Variants in EXD1 observed in about 807,000 individuals in gnomAD.
The protein encoded by EXD1 is exonuclease 3'-5' domain containing 1.
Under a neutral mutation model 49.1 loss-of-function variants are expected in EXD1, and 63 were observed. The ratio of observed to expected loss-of-function variants is 1.28; its 90% CI spans 1.05 to 1.58. EXD1 has a LOEUF of 1.58. Ranked by LOEUF, EXD1 falls within the 40% of genes most tolerant of loss-of-function variation. The pLI, the probability that EXD1 is intolerant of heterozygous loss-of-function variation, is 0.00. For synonymous variants in EXD1, 234 were observed against 239.2 expected (o/e 0.98, Z 0.20); for missense variants, 748 against 666.0 (o/e 1.12, Z -1.36).
rs758515599 is a variant in EXD1, at chr15:41,191,629, A to C, written c.721-44T>G. 3.2e-6 allele frequency: 5 copies of C among 1,570,986 alleles called. No individual in the cohort carries two copies. The Admixed American group carries it at 8.8e-5, about 28-fold the overall frequency. On this transcript the variant is annotated intron_variant, in intron 9 of 11. Coordinates refer to ENST00000458580, the MANE Select transcript of EXD1 (RefSeq NM_001286441.2). ...ACAAACAGACCAGTTGAATATATACAGAGAGCTATCTCATGCCAGAAATAT... is the reference window on the plus strand; with the variant it reads ...ACAAACAGACCAGTTGAATATATACCGAGAGCTATCTCATGCCAGAAATAT...
chr15:41,208,307 A>G (rs1298046814), intron 7 of EXD1, among the ~76,000 whole-genome samples: 1 of 150,108 alleles, frequency 6.7e-6, no homozygotes, highest in Non-Finnish European at 1.5e-5. Context: ...GCTGACTCAG[A>G]AGGATTGCTT....
Position 41,195,783 on chromosome 15 carries a change from C to G in EXD1, c.712G>C (p.Asp238His). The G allele has an allele frequency of 6.2e-7, 1 of 1,612,556 alleles. No homozygotes were observed. Among genetic ancestry groups the G allele is most frequent in the Non-Finnish European group, 8.5e-7 (1 of 1,179,474 alleles). ...TGCTTCCCTTCATGTACCTGTGTGT[C>G]AAAGACATTATTCAGCAAAATTCCA... ...QYGILLNNVF[D>H]TQVADVLQFS... The change falls in exon 9 of 12, where the codon GAC (aspartate) becomes CAC (histidine). Residue 238 changes from aspartate to histidine, a missense_variant. Transcript: ENST00000458580.
intron 5 of EXD1, among the ~76,000 whole-genome samples, chr15:41,216,170 T>C (rs1053281902): frequency 6.6e-6 from 1 of 152,060 alleles, no homozygotes; most frequent in South Asian, 2.1e-4. Flanking sequence ...AATAAACAAA[T>C]GAATCACAAT....
chr15:41,214,901 A>G (rs986276061), intron 6 of EXD1, among the ~76,000 whole-genome samples: 3 of 152,110 alleles, frequency 2.0e-5, no homozygotes, highest in African/African-American at 7.2e-5. Context: ...GCCTGCCAGC[A>G]TGCCCGGCTA....
intron 7 of EXD1, among the ~76,000 whole-genome samples, chr15:41,208,136 G>A (rs958397088): frequency 3.3e-5 from 5 of 151,932 alleles, no homozygotes; most frequent in Non-Finnish European, 7.4e-5. Context: ...GCCCAGACCT[G>A]TGTTACCAGG....
intron 2 of EXD1, among the ~76,000 whole-genome samples, chr15:41,221,750 T>C (rs577604508): frequency 6.6e-6 from 1 of 152,060 alleles, no homozygotes; most frequent in Admixed American, 6.6e-5. Context: ...GTCCTGACAT[T>C]CATTTTTTCT....
At chr15:41,202,236 G>A (rs1047402023) in intron 7 of EXD1, among the ~76,000 whole-genome samples, 2 of 151,626 alleles carry the variant, frequency 1.3e-5, no homozygotes, top group African/African-American at 4.8e-5. Flanking sequence ...TTGCAGTGGC[G>A]TGATCTCGGC....
intron 7 of EXD1, among the ~76,000 whole-genome samples, 197 bp from the exon 8 acceptor site, chr15:41,196,234 C>T (rs534318725): frequency 6.6e-6 from 1 of 152,154 alleles, no homozygotes; most frequent in East Asian, 1.9e-4. Flanking sequence ...GCAACCTCTG[C>T]CTCCTGAGTT....
Position 41,183,934 on chromosome 15 carries a change from G to C in EXD1, c.1716C>G (p.Pro572=). The C allele has an allele frequency of 6.3e-7, 1 of 1,587,924 alleles. No homozygotes were observed. The highest frequency in any genetic ancestry group is 8.6e-7 in the Non-Finnish European group (1 of 1,167,366). Reference sequence around the variant, plus strand: ...CTTAAGAACAAACTGCCCATCTCTAGGGCAGATTTAGAAAAGGACTTATCC... The same window carrying C: ...CTTAAGAACAAACTGCCCATCTCTACGGCAGATTTAGAAAAGGACTTATCC... The part of the protein sequence containing the change: ...DSWISPFLNL[P] Residue 572 remains proline (P), a synonymous_variant, in exon 12 of 12, where the codon CCC becomes CCG. Coordinates refer to ENST00000458580, the MANE Select transcript of EXD1 (RefSeq NM_001286441.2).
At chr15:41,186,344 T>C (rs1595419015) in intron 11 of EXD1, among the ~76,000 whole-genome samples, 2 of 151,870 alleles carry the variant, frequency 1.3e-5, no homozygotes, top group East Asian at 3.9e-4. Flanking sequence ...CGGTAGCACA[T>C]GCTTTTAATC....
rs143955302 is a variant in EXD1, at chr15:41,184,395, T to G, written c.1255A>C (p.Arg419=). The change falls in exon 12 of 12, where the codon AGG becomes CGG. Residue 419 remains arginine (R), a synonymous_variant. Transcript: ENST00000458580. ...GTAAAACTTGGAGCTTTATCTATCC[T>G]AAAATTTTTACCAAATAAGAAGCCT... is the stretch of plus-strand genomic sequence containing the variant. ...VKGFLFGKNF[R]IDKAPSFTSQ... The G allele has an allele frequency of 1.1e-4, 170 of 1,613,916 alleles. No homozygotes were observed. Among genetic ancestry groups the G allele is most frequent in the Admixed American group, 1.8e-4 (11 of 59,950 alleles).
rs10586810 is a variant in EXD1 at position 41,208,369 on chromosome 15, GAA to G, written c.534+1130_534+1131del. On this transcript the variant is annotated intron_variant, in intron 7 of 11. Coordinates refer to ENST00000458580, the MANE Select transcript of EXD1 (RefSeq NM_001286441.2). ...GACAATATAGGGAGAACTCATCTCT[GAA>G]AAAAAAAAAAAAAAAAAAAAAAGTA... Among the ~76,000 whole-genome samples the G allele has an allele frequency of 1.1e-3, 70 of 62,654 alleles. 1 individual carries two copies. Among genetic ancestry groups the G allele is most frequent in the East Asian group, 5.7e-3 (13 of 2,282 alleles). 41.1% of individuals were successfully genotyped at this position (62,654 alleles called of 152,430 possible). A position where few individuals can be genotyped will look rare whatever the true frequency, so the allele number is the denominator to read the frequency against.
At chr15:41,205,337 TTTTG>T (rs1013999840) in intron 7 of EXD1, among the ~76,000 whole-genome samples, 69 of 152,284 alleles carry the variant, frequency 4.5e-4, no homozygotes, top group African/African-American at 1.5e-3. Context: ...AGAATCGTGT[TTTTG>T]TTTGTTTGTT....
intron 2 of EXD1, among the ~76,000 whole-genome samples, chr15:41,221,232 A>T (rs563224200): frequency 2.0e-5 from 3 of 152,308 alleles, no homozygotes; most frequent in African/African-American, 4.8e-5. Context: ...AGCAAAAAAC[A>T]GTCAGGATTT....
At chr15:41,199,211 G>A (rs922547856) in intron 7 of EXD1, among the ~76,000 whole-genome samples, 3 of 151,802 alleles carry the variant, frequency 2.0e-5, no homozygotes, top group African/African-American at 4.8e-5. Context: ...CGCCTGCCTT[G>A]GCCTCCTTGG....
chr15:41,202,566 T>C lies in EXD1; in HGVS notation c.535-6529A>G, dbSNP rs138193139. ...CTTATTGCAGGCTAAAACTAACTCC[T>C]GGGGGCTCAAGAGATCCTCCCTCCT... On this transcript the variant is annotated intron_variant, in intron 7 of 11. Coordinates refer to ENST00000458580, the MANE Select transcript of EXD1 (RefSeq NM_001286441.2). 3.4e-3 allele frequency among the ~76,000 whole-genome samples: 510 copies of C among 152,104 alleles called. 2 individuals are homozygous for C. The highest frequency in any genetic ancestry group is 0.012 in the African/African-American group (483 of 41,512).
At chr15:41,223,835 AG>A (rs1433241996) in intron 2 of EXD1, among the ~76,000 whole-genome samples, 1 of 151,876 alleles carries the variant, frequency 6.6e-6, no homozygotes, top group Non-Finnish European at 1.5e-5. Flanking sequence ...ACTGCACTCC[AG>A]CCTGGGTGAC....
At chr15:41,211,003 C>G (rs1334843794) in intron 6 of EXD1, among the ~76,000 whole-genome samples, 2 of 152,188 alleles carry the variant, frequency 1.3e-5, no homozygotes, top group African/African-American at 4.8e-5. Context: ...AAGCTGCATT[C>G]TCTACTGATG....
chr15:41,187,131 G>A (rs549575216), intron 11 of EXD1, among the ~76,000 whole-genome samples: 16 of 150,810 alleles, frequency 1.1e-4, no homozygotes, highest in African/African-American at 2.0e-4. Flanking sequence ...TTATCCGCTC[G>A]CCTGGGCCTC....
Sources: gnomAD v4.1 joint callset for allele counts (sites outside exome capture counted in the v4.1 genomes callset) on GRCh38, gnomAD v4.1.1 for gene constraint, MANE v1.5 for transcripts, NCBI Gene and HGNC (gene_info 2026-07-23, HGNC 2026-07-21) for gene names.